The following ALG12 variants were observed in gnomAD, a reference collection of about 807,000 sequenced individuals.
ALG12 encodes the protein ALG12 alpha-1,6-mannosyltransferase.
ALG12 carries 36 observed loss-of-function variants against 46.0 expected under a neutral mutation model. That is an observed-to-expected ratio of 0.78 (90% CI 0.60 to 1.03). The LOEUF (loss-of-function observed/expected upper bound fraction) is 1.03. Ranked by LOEUF, ALG12 falls within the 50% of genes least tolerant of loss-of-function variation. ALG12 has a pLI of 0.00. For synonymous variants in ALG12, 326 were observed against 291.6 expected, an observed-to-expected ratio of 1.12 and a Z score of -1.20; for missense variants, 599 against 633.5, an observed-to-expected ratio of 0.95 and a Z score of 0.58.
chr22:49,908,951 C>CAAAAA (rs35816147), intron 6 of ALG12, among the ~76,000 whole-genome samples: 1 of 80,510 alleles, frequency 1.2e-5, no homozygotes, highest in African/African-American at 4.3e-5. Flanking sequence ...GACTCAGTCT[C>CAAAAA]AAAAAAAAAA....
chr22:49,912,239 C>T (rs1013185620), intron 3 of ALG12, among the ~76,000 whole-genome samples: 4 of 152,134 alleles, frequency 2.6e-5, no homozygotes, highest in African/African-American at 4.8e-5. Flanking sequence ...CTAGCAATTC[C>T]AGGTCACCTT....
At chr22:49,912,873 GA>G (rs71729997) in intron 3 of ALG12, among the ~76,000 whole-genome samples, 117 of 148,958 alleles carry the variant, frequency 7.9e-4, no homozygotes, top group African/African-American at 1.5e-3. Flanking sequence ...TCTCAAAAAA[GA>G]AAAAAAAATC....
At chr22:49,877,250 A>C in the ALG12 span, among the ~76,000 whole-genome samples, 1 of 145,680 alleles carries the variant, frequency 6.9e-6, no homozygotes, top group African/African-American at 2.6e-5. Flanking sequence ...TCTCAAAAAA[A>C]CAGCTTTATT....
chr22:49,913,117 C>T (rs1359526470), intron 3 of ALG12, among the ~76,000 whole-genome samples: 1 of 152,176 alleles, frequency 6.6e-6, no homozygotes, highest in African/African-American at 2.4e-5. Flanking sequence ...GCTCAGGTGG[C>T]GAGAGCTGCC....
chr22:49,904,069 G>A lies in ALG12; in HGVS notation c.1239-3C>T. On this transcript the variant is annotated splice_region_variant and splice_polypyrimidine_tract_variant and intron_variant, in intron 9 of 9. Transcript: ENST00000330817. ...GCACATCCTCCCTCTTGTCGTACCT[G>A]TGGGATGAGAGCTGGTGGTCCTGCC... is the stretch of plus-strand genomic sequence containing the variant. 1.2e-6 allele frequency: 2 copies of A among 1,614,136 alleles called. No homozygotes were observed. The highest frequency in any genetic ancestry group is 1.7e-6 in the Non-Finnish European group (2 of 1,180,002).
the ALG12 span, among the ~76,000 whole-genome samples, chr22:49,860,936 G>A: frequency 7.3e-5 from 11 of 151,246 alleles, no homozygotes; most frequent in South Asian, 2.1e-4. Context: ...CCACCACCAC[G>A]CCCAGCTAAT....
At chr22:49,873,161 C>T in the ALG12 span, among the ~76,000 whole-genome samples, 1 of 152,220 alleles carries the variant, frequency 6.6e-6, no homozygotes, top group Non-Finnish European at 1.5e-5. Flanking sequence ...TTTGCATTCA[C>T]GTCTTGGCTG....
At chr22:49,916,895 T>G (rs1186019614) in intron 1 of ALG12, among the ~76,000 whole-genome samples, 4 of 152,172 alleles carry the variant, frequency 2.6e-5, no homozygotes, top group Non-Finnish European at 4.4e-5. Flanking sequence ...TCCACACCTC[T>G]CCACCCAGGG....
At chr22:49,864,326 A>G in the ALG12 span, among the ~76,000 whole-genome samples, 1 of 152,236 alleles carries the variant, frequency 6.6e-6, no homozygotes, top group East Asian at 1.9e-4. Flanking sequence ...CACAATCTCA[A>G]AATAACAATG....
intron 1 of ALG12, among the ~76,000 whole-genome samples, chr22:49,917,395 G>A (rs2060617819): frequency 6.6e-6 from 1 of 152,226 alleles, no homozygotes; most frequent in African/African-American, 2.4e-5. Context: ...ATCAGGCTAA[G>A]CATGGTGGCT....
chr22:49,860,361 T>G, the ALG12 span, among the ~76,000 whole-genome samples: 1 of 152,206 alleles, frequency 6.6e-6, no homozygotes. Context: ...TCTTTGATTC[T>G]TAAATTATAT....
rs2060523886 is a variant in ALG12 at position 49,903,199 on chromosome 22, CATT to C, written c.*636_*638del. 2.6e-6 allele frequency: 1 copy of C among 381,426 alleles called. No individual in the cohort carries two copies. The highest frequency in any genetic ancestry group is 2.1e-5 in the African/African-American group (1 of 47,252). 23.6% of individuals were successfully genotyped at this position (381,426 alleles called of 1,614,324 possible). On this transcript the variant is annotated 3_prime_UTR_variant, in exon 10 of 10. Transcript: ENST00000330817. ...GGAAACATTTTTAAAATTTCATTCT[CATT>C]ATTTTCTGTAATCTTGAGAGGTTCC...
At chr22:49,890,352 T>C in the ALG12 span, among the ~76,000 whole-genome samples, 2 of 152,186 alleles carry the variant, frequency 1.3e-5, no homozygotes, top group African/African-American at 4.8e-5. Flanking sequence ...TTTTTATTTC[T>C]CAATGTAAGC....
In ALG12 at chr22:49,911,777, G is replaced by T. The variant is rs193302701; in HGVS notation, c.296-1170C>A. Among the ~76,000 whole-genome samples the T allele has an allele frequency of 7.7e-3, 1,176 of 152,284 alleles. 20 individuals are homozygous for T. Among genetic ancestry groups the T allele is most frequent in the African/African-American group, 0.027 (1,105 of 41,558 alleles). On this transcript the variant is annotated intron_variant, in intron 3 of 9. Transcript: ENST00000330817. The stretch of plus-strand genomic sequence containing the variant: ...ATTTTTCACTGATACTCACAAGTGG[G>T]TCTGGCTCCAGCTGCTGTATTTTTG...
intron 1 of ALG12, among the ~76,000 whole-genome samples, chr22:49,914,904 T>G (rs1166071951): frequency 6.6e-6 from 1 of 152,246 alleles, no homozygotes; most frequent in African/African-American, 2.4e-5. Flanking sequence ...AGTTTTCTTA[T>G]TTTTTGTAAA....
chr22:49,910,163 G>A, intron 4 of ALG12, 75 bp from the exon 5 acceptor site: 22 of 1,419,784 alleles, frequency 1.5e-5, no homozygotes, highest in Non-Finnish European at 2.0e-5. Context: ...GGGAAGTGAA[G>A]GGTGATTCCT....
intron 3 of ALG12, among the ~76,000 whole-genome samples, chr22:49,910,967 G>C (rs2060573447): frequency 6.6e-6 from 1 of 152,250 alleles, no homozygotes; most frequent in African/African-American, 2.4e-5. Context: ...GCCGGGCTCA[G>C]ACCTTGCTCT....
the ALG12 span, among the ~76,000 whole-genome samples, chr22:49,864,823 A>AAAC: frequency 2.8e-5 from 4 of 144,326 alleles, no homozygotes; most frequent in East Asian, 7.8e-4. Flanking sequence ...CTGTCTCCAA[A>AAAC]AAAAAAAAAA....
At chr22:49,887,299 C>A in the ALG12 span, 2 of 1,058,186 alleles carry the variant, frequency 1.9e-6, no homozygotes, top group Non-Finnish European at 2.7e-6. Flanking sequence ...CTCTCAGGGC[C>A]GCTCTCCAGC....
Sources: allele counts gnomAD v4.1 joint callset (sites outside exome capture counted in the v4.1 genomes callset), GRCh38; gene constraint gnomAD v4.1.1; transcripts MANE v1.5; gene names NCBI Gene and HGNC (gene_info 2026-07-23, HGNC 2026-07-21).